PCDHA9: variants seen among roughly 807,000 people sequenced by gnomAD.
PCDHA9 encodes protocadherin alpha 9, also known as protocadherin alpha-9.
PCDHA9 carries 62 observed loss-of-function variants against 62.0 expected under a neutral mutation model. The observed-to-expected ratio is 1.00, with a 90% CI of 0.81 to 1.23. The LOEUF (loss-of-function observed/expected upper bound fraction) is 1.23, where lower values mean the gene tolerates loss of function less well. Among genes scored for constraint, PCDHA9 ranks in the 50% most tolerant of loss-of-function variants. The probability of loss-of-function intolerance (pLI) is 0.00; values close to 1 mark genes in which losing one functional copy is unlikely to be tolerated. For missense variants in PCDHA9, 1,205 were observed against 1,249.8 expected, an observed-to-expected ratio of 0.96 and a Z score of 0.54; for synonymous variants, 557 against 567.6, an observed-to-expected ratio of 0.98 and a Z score of 0.27.
chr5:140,920,583 C>A (rs1287573835), intron 1 of PCDHA9, among the ~76,000 whole-genome samples: 1 of 152,106 alleles, frequency 6.6e-6, no homozygotes, highest in African/African-American at 2.4e-5. Context: ...CAGTGGCTCA[C>A]GCCTGTAATC....
intron 1 of PCDHA9, chr5:140,967,704 G>A: frequency 6.2e-7 from 1 of 1,614,196 alleles, no homozygotes; most frequent in Non-Finnish European, 8.5e-7. Context: ...ATAGATGCCA[G>A]TACCGGGGAA....
chr5:140,852,884 T>TA lies in PCDHA9; in HGVS notation c.2394+1996dup, dbSNP rs1237249071. On this transcript the variant is annotated intron_variant, in intron 1 of 3. Transcript: ENST00000532602. ...CTATGTCATCAATAATCATAAAACG[T>TA]ATTTTTTTTTTTGAGTCAGAGTCTC... The TA allele has an allele frequency of 2.1e-6, 2 of 931,694 alleles. 1 individual carries two copies. The highest frequency in any genetic ancestry group is 3.6e-5 in the African/African-American group (2 of 55,516). The allele number at this position is 931,694 out of a possible 1,614,324, so 57.7% of individuals were successfully genotyped here.
Position 140,850,708 on chromosome 5 carries a change from C to A in PCDHA9, c.2213C>A (p.Thr738Lys). The change falls in exon 1 of 4, where the codon ACG (threonine) becomes AAG (lysine). Residue 738 changes from threonine (T) to lysine (K), a missense_variant. Coordinates refer to ENST00000532602, the MANE Select transcript of PCDHA9 (RefSeq NM_031857.2). ...TEGECAPGKP[T>K]LVCSSAVGSW... ...GGCGAGTGCGCGCCTGGCAAGCCGA[C>A]GCTGGTGTGTTCTAGCGCGGTGGGG... The A allele has an allele frequency of 6.3e-7, 1 of 1,598,016 alleles. No individual in the cohort carries two copies. The highest frequency in any genetic ancestry group is 8.6e-7 in the Non-Finnish European group (1 of 1,167,660).
intron 1 of PCDHA9, among the ~76,000 whole-genome samples, chr5:140,886,671 C>A (rs1411583056): frequency 6.6e-6 from 1 of 151,634 alleles, no homozygotes; most frequent in East Asian, 1.9e-4. Context: ...ACTAAAAATA[C>A]AAAAATTAGC....
chr5:140,883,557 G>T, intron 1 of PCDHA9: 1 of 1,614,214 alleles, frequency 6.2e-7, no homozygotes, highest in South Asian at 1.1e-5. Flanking sequence ...GCGCGGGACG[G>T]GGGCTCGCCT....
At chr5:140,875,464 T>A (rs782432702) in intron 1 of PCDHA9, 1 of 1,599,740 alleles carries the variant, frequency 6.3e-7, no homozygotes, top group Admixed American at 1.7e-5. Flanking sequence ...GAGGCCCTCA[T>A]TTTCTGCAAT....
At chr5:140,853,611 G>A in intron 1 of PCDHA9, 1 of 988,014 alleles carries the variant, frequency 1.0e-6, no homozygotes. Flanking sequence ...AGGGGGTGCT[G>A]TAAATAAGTA....
rs868942705 is a variant in PCDHA9 at position 140,935,763 on chromosome 5, C to T, written c.2395-43186C>T. Reference sequence around the variant, plus strand: ...TATTCCATACAATACACATTCTTCCCCACTTTGAGTTTTTTCACTTAAAAA... The same window carrying T: ...TATTCCATACAATACACATTCTTCCTCACTTTGAGTTTTTTCACTTAAAAA... On this transcript the variant is annotated intron_variant, in intron 1 of 3. Coordinates refer to ENST00000532602, the MANE Select transcript of PCDHA9 (RefSeq NM_031857.2). Among the ~76,000 whole-genome samples, 111 of 152,180 alleles carry T rather than the reference C, an allele frequency of 7.3e-4. 1 individual carries two copies. The highest frequency in any genetic ancestry group is 3.4e-3 in the Middle Eastern group (1 of 294).
chr5:140,905,750 C>T (rs1349523564), intron 1 of PCDHA9, among the ~76,000 whole-genome samples: 1 of 152,102 alleles, frequency 6.6e-6, no homozygotes, highest in Non-Finnish European at 1.5e-5. Flanking sequence ...GATCTTTCAC[C>T]TCCTTGGTTA....
At chr5:140,876,443 A>C in intron 1 of PCDHA9, 1 of 1,614,012 alleles carries the variant, frequency 6.2e-7, no homozygotes, top group Non-Finnish European at 8.5e-7. Context: ...AACGCCATTG[A>C]TAAAGGGATT....
intron 3 of PCDHA9, among the ~76,000 whole-genome samples, chr5:141,000,412 TA>T (rs2097919630): frequency 4.9e-5 from 5 of 102,770 alleles, no homozygotes; most frequent in Non-Finnish European, 5.8e-5. Context: ...TATATATATA[TA>T]TATATATATT....
chr5:140,887,045 T>C (rs2061271952), intron 1 of PCDHA9, among the ~76,000 whole-genome samples: 1 of 152,108 alleles, frequency 6.6e-6, no homozygotes, highest in Non-Finnish European at 1.5e-5. Context: ...TTTTTTATAG[T>C]GCATATGTTC....
At chr5:140,856,686 C>T (rs782337552) in intron 1 of PCDHA9, 1 of 1,597,202 alleles carries the variant, frequency 6.3e-7, no homozygotes, top group Non-Finnish European at 8.6e-7. Context: ...TTGTTGACAG[C>T]AACTGATGGA....
intron 1 of PCDHA9, among the ~76,000 whole-genome samples, chr5:140,978,369 A>G (rs1015473344): frequency 6.6e-6 from 1 of 152,196 alleles, no homozygotes; most frequent in Non-Finnish European, 1.5e-5. Flanking sequence ...CAAACTCTGC[A>G]ATAGTTTGTT....
chr5:141,009,562 C>T, intron 3 of PCDHA9, 65 bp from the exon 4 acceptor site: 7 of 1,571,344 alleles, frequency 4.5e-6, no homozygotes, highest in Non-Finnish European at 6.0e-6. Flanking sequence ...CTGTACTCTA[C>T]CAGCAGTGTG....
chr5:140,959,772 C>T (rs1554224331), intron 1 of PCDHA9, among the ~76,000 whole-genome samples: 1 of 152,120 alleles, frequency 6.6e-6, no homozygotes, highest in East Asian at 1.9e-4. Flanking sequence ...TCAGTAAGAA[C>T]AGTGTATATT....
intron 1 of PCDHA9, chr5:140,868,910 T>C: frequency 2.3e-6 from 2 of 888,770 alleles, no homozygotes; most frequent in South Asian, 3.8e-5. Flanking sequence ...GCTCTTTACT[T>C]GGTGGAAAGT....
chr5:140,953,778 A>G (rs782648195), intron 1 of PCDHA9, among the ~76,000 whole-genome samples: 1 of 151,986 alleles, frequency 6.6e-6, no homozygotes, highest in Non-Finnish European at 1.5e-5. Flanking sequence ...ATATTTATTT[A>G]TTTTTTTCTT....
In PCDHA9 at chr5:140,877,219, C is replaced by T. The variant is rs200698690; in HGVS notation, c.2394+26330C>T. 9 of 1,613,720 alleles carry T rather than the reference C, an allele frequency of 5.6e-6. No homozygotes were observed. Among genetic ancestry groups the T allele is most frequent in the East Asian group, 4.5e-5 (2 of 44,860 alleles). Reference sequence around the variant, plus strand: ...AGGCGCAGTTAGCGAGTTGGTACCGCGGTCGGTGGGTGCGGGCCACGTGGT... The same window carrying T: ...AGGCGCAGTTAGCGAGTTGGTACCGTGGTCGGTGGGTGCGGGCCACGTGGT... On this transcript the variant is annotated intron_variant, in intron 1 of 3. Transcript: ENST00000532602.
Sources: gnomAD v4.1 joint callset for allele counts (sites outside exome capture counted in the v4.1 genomes callset) on GRCh38, gnomAD v4.1.1 for gene constraint, MANE v1.5 for transcripts, NCBI Gene and HGNC (gene_info 2026-07-23, HGNC 2026-07-21) for gene names.